PBX1: variants seen among roughly 807,000 people sequenced by gnomAD.
PBX1 encodes pre-B-cell leukemia transcription factor 1.
A neutral mutation model predicts 53.4 loss-of-function variants in PBX1; 6 were observed. The ratio of observed to expected loss-of-function variants is 0.11; its 90% CI spans 0.06 to 0.22. The LOEUF is 0.22. PBX1 is among the 10% of genes least tolerant of loss of function. The pLI is 1.00. For synonymous variants in PBX1, 204 were observed against 212.3 expected (o/e 0.96, Z 0.34); for missense variants, 251 against 551.4 (o/e 0.46, Z 5.46).
Position 164,849,709 on chromosome 1 carries a change from C to T in PBX1, c.*3033C>T, listed in dbSNP as rs41266622. The T allele has an allele frequency of 5.1e-3, 1,543 of 299,696 alleles. 10 individuals are homozygous for T. Among genetic ancestry groups the T allele is most frequent in the Non-Finnish European group, 7.8e-3 (1,251 of 161,234 alleles). 18.6% of individuals were successfully genotyped at this position (299,696 alleles called of 1,614,324 possible). ...GCATGGAATTGACGCCCGTGCAGTA[C>T]ATTTGCCAAGTGGCACCTTCTTTCA... On this transcript the variant is annotated 3_prime_UTR_variant, in exon 9 of 9. Transcript: ENST00000420696.
chr1:164,586,241 T>C (rs948463937), intron 2 of PBX1, among the ~76,000 whole-genome samples: 1 of 152,236 alleles, frequency 6.6e-6, no homozygotes, highest in East Asian at 1.9e-4. Flanking sequence ...GTGTACTATC[T>C]GCAGAAGACA....
intron 2 of PBX1, among the ~76,000 whole-genome samples, chr1:164,745,762 T>C (rs550799319): frequency 6.6e-6 from 1 of 152,374 alleles, no homozygotes; most frequent in South Asian, 2.1e-4. Flanking sequence ...CCATCTGCGA[T>C]AGGACTTTTC....
At chr1:164,861,392 G>T (rs978350079) in intron 2 of PBX1, among the ~76,000 whole-genome samples, 1 of 152,118 alleles carries the variant, frequency 6.6e-6, no homozygotes, top group African/African-American at 2.4e-5. Flanking sequence ...ATGATGACCT[G>T]GATTGTCTAA....
chr1:164,668,764 G>C (rs1660957856), intron 2 of PBX1, among the ~76,000 whole-genome samples: 1 of 152,226 alleles, frequency 6.6e-6, no homozygotes, highest in South Asian at 2.1e-4. Context: ...CAGCCCCTCA[G>C]CTTGTTAGAC....
At chr1:164,870,102 AC>A (rs1367480699) in intron 2 of PBX1, among the ~76,000 whole-genome samples, 1 of 152,076 alleles carries the variant, frequency 6.6e-6, no homozygotes, top group Non-Finnish European at 1.5e-5. Context: ...GACTCAGGAG[AC>A]CTAGGCCCTG....
chr1:164,620,216 T>A (rs1429092842), intron 2 of PBX1, among the ~76,000 whole-genome samples: 4 of 152,108 alleles, frequency 2.6e-5, no homozygotes, highest in Non-Finnish European at 5.9e-5. Flanking sequence ...TAGAAAAACA[T>A]GAACTTCTTT....
At chr1:164,808,979 G>T (rs1377342050) in intron 5 of PBX1, among the ~76,000 whole-genome samples, 1 of 152,066 alleles carries the variant, frequency 6.6e-6, no homozygotes, top group Non-Finnish European at 1.5e-5. Context: ...TTTTTCTAGG[G>T]CTGTCACCAT....
intron 2 of PBX1, among the ~76,000 whole-genome samples, chr1:164,650,291 T>G (rs1199843875): frequency 6.6e-6 from 1 of 151,062 alleles, no homozygotes; most frequent in Non-Finnish European, 1.5e-5. Context: ...GGCACTGGCG[T>G]GATCTTGGCT....
In PBX1 at chr1:164,801,952, T is replaced by G. The variant is rs1051516646; in HGVS notation, c.701+2063T>G. Among the ~76,000 whole-genome samples, 3 of 152,206 alleles carry G rather than the reference T, an allele frequency of 2.0e-5. No homozygotes were observed. In the East Asian group the frequency reaches 5.8e-4, roughly 29 times the overall value. On this transcript the variant is annotated intron_variant, in intron 4 of 8. Transcript: ENST00000420696. ...ATGCCTCCAGCGTCACTAGCTATAA[T>G]TGGGAGAGAGAGCTAAGCAAACTTA...
At chr1:164,732,697 T>G (rs1665062236) in intron 2 of PBX1, among the ~76,000 whole-genome samples, 1 of 152,164 alleles carries the variant, frequency 6.6e-6, no homozygotes, top group African/African-American at 2.4e-5. Context: ...AGATGATTCC[T>G]CTACCTGTAC....
chr1:164,808,418 A>G (rs535948811), intron 5 of PBX1, among the ~76,000 whole-genome samples: 83 of 152,362 alleles, frequency 5.4e-4, no homozygotes, highest in African/African-American at 1.9e-3. Flanking sequence ...CTGAACCTCA[A>G]ATACCACCAC....
chr1:164,639,681 A>G (rs1659000107), intron 2 of PBX1: 1 of 152,202 alleles, frequency 6.6e-6, no homozygotes, highest in South Asian at 2.1e-4. Flanking sequence ...TTTATTTATT[A>G]AAACAGGGTC....
chr1:164,677,967 G>T (rs1257144374), intron 2 of PBX1, among the ~76,000 whole-genome samples: 1 of 152,088 alleles, frequency 6.6e-6, no homozygotes. Flanking sequence ...AGTATTATTG[G>T]CTCCATTTTA....
chr1:164,741,164 AAGGATATAACTCG>A (rs758535442), intron 2 of PBX1, among the ~76,000 whole-genome samples: 1 of 152,238 alleles, frequency 6.6e-6, no homozygotes, highest in African/African-American at 2.4e-5. Flanking sequence ...GAAGTTGCTC[AAGGATATAACTCG>A]AGGATATAAC....
intron 2 of PBX1, among the ~76,000 whole-genome samples, chr1:164,788,597 G>A (rs1007380123): frequency 1.3e-5 from 2 of 152,076 alleles, no homozygotes; most frequent in African/African-American, 4.8e-5. Flanking sequence ...AATAGTGCAA[G>A]ATGGTTTTCT....
intron 2 of PBX1, among the ~76,000 whole-genome samples, chr1:164,671,895 CCTTT>C (rs1349215672): frequency 3.9e-5 from 6 of 152,094 alleles, no homozygotes; most frequent in Non-Finnish European, 8.8e-5. Flanking sequence ...CCTTACCTTC[CCTTT>C]CTTCTCCAGA....
At position 164,559,736 on chromosome 1, in the gene PBX1, C is replaced by T; in HGVS notation, c.-87C>T. The T allele has an allele frequency of 4.1e-6, 4 of 977,750 alleles. No homozygotes were observed. Among genetic ancestry groups the T allele is most frequent in the Non-Finnish European group, 5.8e-6 (4 of 686,218 alleles). 60.6% of individuals were successfully genotyped at this position (977,750 alleles called of 1,614,324 possible). ...ATCCTGAAAAGGATTTGAAGACAAG[C>T]TTGAAGGATAAAAAGCCTTGGTGCT... On this transcript the variant is annotated 5_prime_UTR_variant, in exon 1 of 9. Coordinates refer to ENST00000420696, the MANE Select transcript of PBX1 (RefSeq NM_002585.4).
chr1:164,559,343 G>T lies in PBX1; in HGVS notation c.-480G>T. On this transcript the variant is annotated 5_prime_UTR_variant, in exon 1 of 9. Transcript: ENST00000420696. ...TGGCCCGGAGTGGGGGTGGGGGGCA[G>T]CGGGGGGTGGGGGGGGAAAGTTTGC... The T allele has an allele frequency of 5.0e-6, 1 of 198,122 alleles. No individual in the cohort carries two copies. The highest frequency in any genetic ancestry group is 1.0e-5 in the Non-Finnish European group (1 of 96,530). 12.3% of individuals were successfully genotyped at this position (198,122 alleles called of 1,614,324 possible).
At chr1:164,635,592 T>A (rs1164379881) in intron 2 of PBX1, among the ~76,000 whole-genome samples, 3 of 152,218 alleles carry the variant, frequency 2.0e-5, no homozygotes, top group Non-Finnish European at 4.4e-5. Flanking sequence ...ATTCTCCCGC[T>A]CGTCTCGCCA....
Sources: gnomAD v4.1 joint callset for allele counts (sites outside exome capture counted in the v4.1 genomes callset) on GRCh38, gnomAD v4.1.1 for gene constraint, MANE v1.5 for transcripts, NCBI Gene and HGNC (gene_info 2026-07-23, HGNC 2026-07-21) for gene names.